Variants in SEC23A observed in about 807,000 individuals in gnomAD.
SEC23A encodes SEC23 homolog A, COPII component.
Under a neutral mutation model 103.7 loss-of-function variants are expected in SEC23A, and 56 were observed. The ratio of observed to expected loss-of-function variants is 0.54; its 90% confidence interval spans 0.44 to 0.67. SEC23A has a LOEUF of 0.67. SEC23A is among the 30% of genes least tolerant of loss of function. SEC23A has a pLI of 0.00. For missense variants in SEC23A, 784 were observed against 936.4 expected, an observed-to-expected ratio of 0.84 and a Z score of 2.12; for synonymous variants, 281 against 293.0, an observed-to-expected ratio of 0.96 and a Z score of 0.42.
intron 2 of SEC23A, chr14:39,094,896 C>A: frequency 1.5e-6 from 1 of 654,586 alleles, no homozygotes; most frequent in South Asian, 1.7e-5. Context: ...TCATACAAGG[C>A]TTTATAGATC....
intron 18 of SEC23A, 163 bp downstream of exon 18, chr14:39,040,569 C>G (rs1310742968): frequency 2.4e-6 from 2 of 830,244 alleles, no homozygotes; most frequent in Non-Finnish European, 3.9e-6. Context: ...CTGTTTTGCT[C>G]TCAAAAGCTA....
intron 9 of SEC23A, among the ~76,000 whole-genome samples, chr14:39,072,045 C>A (rs1263534807): frequency 6.6e-6 from 1 of 151,686 alleles, no homozygotes; most frequent in Non-Finnish European, 1.5e-5. Flanking sequence ...ACCAGCCTGG[C>A]CAACATAATG....
intron 2 of SEC23A, among the ~76,000 whole-genome samples, chr14:39,094,454 TTTTTTTC>T (rs1566515468): frequency 1.7e-5 from 2 of 119,968 alleles, no homozygotes; most frequent in African/African-American, 6.6e-5. Flanking sequence ...TTTTTTTTTT[TTTTTTTC>T]CCCTCCTGTA....
chr14:39,080,238 A>G (rs1486901691), intron 7 of SEC23A, among the ~76,000 whole-genome samples: 1 of 152,198 alleles, frequency 6.6e-6, no homozygotes, highest in Admixed American at 6.5e-5. Flanking sequence ...CAGAAGAGAG[A>G]AGAGGGAAAC....
chr14:39,092,726 A>T (rs1887703498), intron 3 of SEC23A, 99 bp from the exon 4 acceptor site: 1 of 712,672 alleles, frequency 1.4e-6, no homozygotes, highest in Non-Finnish European at 2.4e-6. Flanking sequence ...AATTATTTTT[A>T]AAAAGGCATT....
intron 7 of SEC23A, among the ~76,000 whole-genome samples, chr14:39,080,865 T>G (rs905110091): frequency 2.6e-5 from 4 of 151,688 alleles, no homozygotes; most frequent in African/African-American, 9.7e-5. Context: ...ACAAAAACCC[T>G]ACAAGATAAA....
intron 14 of SEC23A, among the ~76,000 whole-genome samples, chr14:39,054,330 C>T (rs771536121): frequency 1.3e-5 from 2 of 151,270 alleles, no homozygotes; most frequent in Non-Finnish European, 2.9e-5. Flanking sequence ...AATGTAAGTA[C>T]AGTAATGGTG....
At chr14:39,071,281 GC>G (rs1278146010) in intron 9 of SEC23A, among the ~76,000 whole-genome samples, 3 of 148,778 alleles carry the variant, frequency 2.0e-5, no homozygotes, top group Non-Finnish European at 3.0e-5. Context: ...CCACAAGGTT[GC>G]AGGGGGTAAA....
intron 5 of SEC23A, 132 bp from the exon 6 acceptor site, chr14:39,087,140 G>A (rs1332576633): frequency 3.5e-5 from 23 of 664,316 alleles, no homozygotes; most frequent in Admixed American, 1.6e-4. Flanking sequence ...TCCTTCCTCA[G>A]AAAACAAAGA....
intron 3 of SEC23A, 112 bp from the exon 4 acceptor site, chr14:39,092,739 C>T: frequency 1.5e-6 from 1 of 659,328 alleles, no homozygotes; most frequent in African/African-American, 1.8e-5. Flanking sequence ...AAGGCATTTT[C>T]ATTAAATGAG....
At chr14:39,067,137 G>A (rs767428121) in intron 10 of SEC23A, 36 bp downstream of exon 10, 1 of 1,612,080 alleles carries the variant, frequency 6.2e-7, no homozygotes, top group Non-Finnish European at 8.5e-7. Context: ...GTTGTCTTTT[G>A]ATAACATATC....
At chr14:39,097,367 C>T (rs10142117) in intron 1 of SEC23A, among the ~76,000 whole-genome samples, 14,839 of 152,114 alleles carry the variant, frequency 0.098, 944 homozygotes, top group East Asian at 0.32. Context: ...ACAGGAAGGA[C>T]GTCAAGTTGA....
At chr14:39,067,666 C>CTTTTTTTTTTTTTTTTTTTTT (rs762046832) in intron 9 of SEC23A, among the ~76,000 whole-genome samples, 1 of 82,168 alleles carries the variant, frequency 1.2e-5, no homozygotes. Context: ...CATGCATTCT[C>CTTTTTTTTTTTTTTTTTTTTT]TTTTTTTTTT....
At chr14:39,042,257 G>A (rs1050453705) in intron 17 of SEC23A, among the ~76,000 whole-genome samples, 1 of 152,198 alleles carries the variant, frequency 6.6e-6, no homozygotes, top group Non-Finnish European at 1.5e-5. Context: ...ATGAGTAACT[G>A]CAGGAATGCA....
At chr14:39,056,754 A>G (rs1037468978) in intron 13 of SEC23A, among the ~76,000 whole-genome samples, 1 of 152,102 alleles carries the variant, frequency 6.6e-6, no homozygotes, top group Non-Finnish European at 1.5e-5. Flanking sequence ...TGAGCACCAC[A>G]CCAGGCTCAA....
intron 5 of SEC23A, chr14:39,090,920 A>G: frequency 3.2e-6 from 1 of 309,050 alleles, no homozygotes; most frequent in Non-Finnish European, 6.2e-6. Flanking sequence ...GCCAATGTCA[A>G]CATCAGGAGC....
At chr14:39,052,940 A>C (rs2139208033) in intron 14 of SEC23A, among the ~76,000 whole-genome samples, 1 of 152,330 alleles carries the variant, frequency 6.6e-6, no homozygotes, top group South Asian at 2.1e-4. Flanking sequence ...GTTCAAGACC[A>C]GCCTGGCCAA....
In SEC23A at chr14:39,053,140, C is replaced by CA. The variant is rs560393497; in HGVS notation, c.1659+2002dup. Among the ~76,000 whole-genome samples the CA allele has an allele frequency of 3.4e-4, 51 of 151,008 alleles. No individual in the cohort carries two copies. In the South Asian group the frequency reaches 6.3e-3, roughly 19 times the overall value. ...ACAAGAGCCAAACTCTGTCTCAAAACAAAAAAAAGATGTAGTCTGAGAAAT... is the reference window on the plus strand; with the variant it reads ...ACAAGAGCCAAACTCTGTCTCAAAACAAAAAAAAAGATGTAGTCTGAGAAAT... On this transcript the variant is annotated intron_variant, in intron 14 of 19. Coordinates refer to ENST00000307712, the MANE Select transcript of SEC23A (RefSeq NM_006364.4).
chr14:39,102,842 C>T (rs112459585), intron 1 of SEC23A, among the ~76,000 whole-genome samples, 190 bp downstream of exon 1: 2,690 of 152,296 alleles, frequency 0.018, 95 homozygotes, highest in African/African-American at 0.062. Flanking sequence ...GCCGGGCCCC[C>T]GGCCCCGGCA....
Sources: allele counts gnomAD v4.1 joint callset (sites outside exome capture counted in the v4.1 genomes callset), GRCh38; gene constraint gnomAD v4.1.1; transcripts MANE v1.5; gene names NCBI Gene and HGNC (gene_info 2026-07-23, HGNC 2026-07-21).